The following ENTPD1 variants were observed in gnomAD, a reference collection of about 807,000 sequenced individuals.
ENTPD1 encodes the protein ATP diphosphohydrolase.
ENTPD1 carries 33 observed loss-of-function variants against 57.0 expected under a neutral mutation model. That is an observed-to-expected ratio of 0.58 (90% CI 0.44 to 0.77). The LOEUF (loss-of-function observed/expected upper bound fraction) is 0.77, where lower values mean the gene tolerates loss of function less well. Ranked by LOEUF, ENTPD1 falls within the 30% of genes least tolerant of loss-of-function variation. The probability of loss-of-function intolerance (pLI) is 0.00; values close to 1 mark genes in which losing one functional copy is unlikely to be tolerated. For synonymous variants in ENTPD1, 202 were observed against 218.8 expected, an observed-to-expected ratio of 0.92 and a Z score of 0.68; for missense variants, 501 against 603.4, an observed-to-expected ratio of 0.83 and a Z score of 1.78.
At chr10:95,752,820 T>G (rs980903833), upstream of ENTPD1, among the ~76,000 whole-genome samples, 1 of 152,178 alleles carries the variant, frequency 6.6e-6, no homozygotes, top group Non-Finnish European at 1.5e-5. Flanking sequence ...GGTGAGCCAA[T>G]GCACCTGGCC....
intron 1 of ENTPD1, among the ~76,000 whole-genome samples, chr10:95,817,158 C>T (rs975051921): frequency 1.3e-5 from 2 of 152,148 alleles, no homozygotes; most frequent in African/African-American, 4.8e-5. Flanking sequence ...GGCTCGGTGA[C>T]CCTTCCTGAT....
upstream of ENTPD1, chr10:95,755,382 C>T: frequency 3.5e-6 from 1 of 288,588 alleles, no homozygotes; most frequent in Admixed American, 4.7e-5. Flanking sequence ...AAGGATTAGC[C>T]CTTGTTTTGA....
intron 1 of ENTPD1, among the ~76,000 whole-genome samples, chr10:95,781,226 A>G (rs2098156356): frequency 6.6e-6 from 1 of 152,060 alleles, no homozygotes; most frequent in Admixed American, 6.6e-5. Flanking sequence ...ACTGAGAGAG[A>G]GTAGAAGGAT....
At chr10:95,805,537 T>C (rs2098268526) in intron 1 of ENTPD1, among the ~76,000 whole-genome samples, 1 of 152,248 alleles carries the variant, frequency 6.6e-6, no homozygotes, top group Non-Finnish European at 1.5e-5. Flanking sequence ...GTCATTATGA[T>C]GTTAGCTGGT....
At chr10:95,811,617 T>C (rs1201940655) in intron 1 of ENTPD1, among the ~76,000 whole-genome samples, 2 of 152,166 alleles carry the variant, frequency 1.3e-5, no homozygotes, top group Non-Finnish European at 2.9e-5. Flanking sequence ...CTCGAACTCC[T>C]GGGCTCAAGT....
intron 7 of ENTPD1, among the ~76,000 whole-genome samples, chr10:95,857,627 C>G (rs2098457439): frequency 6.6e-6 from 1 of 152,206 alleles, no homozygotes; most frequent in Non-Finnish European, 1.5e-5. Flanking sequence ...CGAATCCAAG[C>G]ATATATAAAT....
intron 7 of ENTPD1, among the ~76,000 whole-genome samples, chr10:95,848,684 CCTTGCACACATCT>C (rs1406245727): frequency 6.6e-6 from 1 of 152,176 alleles, no homozygotes; most frequent in Non-Finnish European, 1.5e-5. Flanking sequence ...TTAAGGTTTT[CCTTGCACACATCT>C]CTTGCACACA....
intron 1 of ENTPD1, among the ~76,000 whole-genome samples, chr10:95,802,187 G>A (rs1017617243): frequency 1.3e-5 from 2 of 152,174 alleles, no homozygotes; most frequent in African/African-American, 4.8e-5. Context: ...AGAACTCCAA[G>A]TGAGGGCTAC....
At chr10:95,712,978 G>A (rs550886364) in intron 1 of ENTPD1, among the ~76,000 whole-genome samples, 22 of 150,914 alleles carry the variant, frequency 1.5e-4, no homozygotes, top group Non-Finnish European at 2.7e-4. Context: ...AGCTTGCAGC[G>A]AGCAGAGATT....
chr10:95,868,369 A>C lies in ENTPD1; in HGVS notation c.*1986A>C. On this transcript the variant is annotated 3_prime_UTR_variant, in exon 10 of 10. Transcript: ENST00000371205. ...GCTGGTCTGTTCCTGATAGGCTTGT[A>C]ATTTAATATCATTCTGTTCATGTGC... The C allele has an allele frequency of 2.0e-6, 2 of 985,442 alleles. No individual in the cohort carries two copies. Among genetic ancestry groups the C allele is most frequent in the African/African-American group, 3.5e-5 (2 of 57,352 alleles). 61.0% of individuals were successfully genotyped at this position (985,442 alleles called of 1,614,324 possible).
chr10:95,849,803 A>C (rs1263800589), intron 7 of ENTPD1, among the ~76,000 whole-genome samples: 1 of 152,262 alleles, frequency 6.6e-6, no homozygotes, highest in Non-Finnish European at 1.5e-5. Flanking sequence ...CTGAGCTGGC[A>C]CTGGCTCTTC....
chr10:95,800,192 G>C (rs1012240407), intron 1 of ENTPD1, among the ~76,000 whole-genome samples: 1 of 152,108 alleles, frequency 6.6e-6, no homozygotes, highest in African/African-American at 2.4e-5. Flanking sequence ...GAGAAATAAA[G>C]AGAAAGAGTA....
intron 7 of ENTPD1, among the ~76,000 whole-genome samples, chr10:95,850,789 G>T (rs902978532): frequency 6.6e-6 from 1 of 152,156 alleles, no homozygotes; most frequent in African/African-American, 2.4e-5. Flanking sequence ...CTGTTATCGA[G>T]TCCTGCCTCT....
At chr10:95,751,393 G>A (rs1161630157), upstream of ENTPD1, among the ~76,000 whole-genome samples, 1 of 152,162 alleles carries the variant, frequency 6.6e-6, no homozygotes, top group Admixed American at 6.5e-5. Context: ...TGAGGTTGCT[G>A]GGTTGTGTGA....
chr10:95,738,422 T>C (rs2097996870), intron 1 of ENTPD1, among the ~76,000 whole-genome samples: 1 of 152,134 alleles, frequency 6.6e-6, no homozygotes, highest in African/African-American at 2.4e-5. Flanking sequence ...AAAACTGAAG[T>C]GAGGGAGGCC....
rs570459464 is a variant in ENTPD1 at position 95,806,279 on chromosome 10, G to A, written c.17-16958G>A. Among the ~76,000 whole-genome samples the A allele has an allele frequency of 9.2e-5, 14 of 151,994 alleles. No individual in the cohort carries two copies. The South Asian group carries it at 1.9e-3, about 20-fold the overall frequency. ...TTGATACCCTTTCTTCCACTTGATCGAATCGGCTAATGAAGGTTGTGCATG... is the reference window on the plus strand; with the variant it reads ...TTGATACCCTTTCTTCCACTTGATCAAATCGGCTAATGAAGGTTGTGCATG... On this transcript the variant is annotated intron_variant, in intron 1 of 9. Transcript: ENST00000371205.
chr10:95,801,815 C>T (rs2098250843), intron 1 of ENTPD1, among the ~76,000 whole-genome samples: 1 of 152,086 alleles, frequency 6.6e-6, no homozygotes, highest in African/African-American at 2.4e-5. Context: ...TATTTGGGCT[C>T]TTTCTTGGTT....
chr10:95,856,833 C>T (rs1429372715), intron 7 of ENTPD1, among the ~76,000 whole-genome samples: 2 of 150,222 alleles, frequency 1.3e-5, no homozygotes. Context: ...TATATATATA[C>T]ATATACACAT....
rs1447063323 is a variant in ENTPD1, at chr10:95,867,310, TCAC to T, written c.*931_*933del. On this transcript the variant is annotated 3_prime_UTR_variant, in exon 10 of 10. Transcript: ENST00000371205. ...GTACATTCACAGTGTTGTGCCACCA[TCAC>T]CACTATTTAGTTCCAGAACATTTGC... The T allele has an allele frequency of 3.1e-6, 3 of 983,202 alleles. No individual in the cohort carries two copies. The highest frequency in any genetic ancestry group is 3.6e-6 in the Non-Finnish European group (3 of 827,996). The allele number at this position is 983,202 out of a possible 1,614,324, so 60.9% of individuals were successfully genotyped here.
Sources: gnomAD v4.1 joint callset for allele counts (sites outside exome capture counted in the v4.1 genomes callset) on GRCh38, gnomAD v4.1.1 for gene constraint, MANE v1.5 for transcripts, NCBI Gene and HGNC (gene_info 2026-07-23, HGNC 2026-07-21) for gene names.